Variants in LPIN3 observed in about 807,000 individuals in gnomAD.
LPIN3 encodes the protein lipin 3, also known as phosphatidate phosphatase LPIN3.
LPIN3 carries 82 observed loss-of-function variants against 94.7 expected under a neutral mutation model. The observed-to-expected ratio is 0.87, with a 90% CI of 0.72 to 1.04. The LOEUF is 1.04. Ranked by LOEUF, LPIN3 falls within the 50% of genes least tolerant of loss-of-function variation. The probability of loss-of-function intolerance (pLI) is 0.00; values close to 1 mark genes in which losing one functional copy is unlikely to be tolerated. For missense variants in LPIN3, 996 were observed against 1,090.5 expected, an observed-to-expected ratio of 0.91 and a Z score of 1.22; for synonymous variants, 418 against 443.3, an observed-to-expected ratio of 0.94 and a Z score of 0.72.
In LPIN3 at chr20:41,358,042, C is replaced by A. The variant is rs780641901; in HGVS notation, c.2192+8C>A. ...CTTCTCTGCCCTCCACAGGTAACCA[C>A]CCCTACACATACAAGCCCGTGGCCC... On this transcript the variant is annotated splice_region_variant and intron_variant, in intron 17 of 19. Transcript: ENST00000373257. 2 of 1,590,690 alleles carry A rather than the reference C, an allele frequency of 1.3e-6. No individual in the cohort carries two copies. Among genetic ancestry groups the A allele is most frequent in the East Asian group, 2.2e-5 (1 of 44,702 alleles).
intron 7 of LPIN3, among the ~76,000 whole-genome samples, chr20:41,351,189 G>C (rs1050144922): frequency 3.3e-5 from 5 of 151,920 alleles, no homozygotes; most frequent in African/African-American, 1.2e-4. Flanking sequence ...GGAGTTCAAG[G>C]CTGCAGCGAG....
Position 41,357,092 on chromosome 20 carries a change from C to T in LPIN3, c.1856C>T (p.Thr619Ile). Residue 619 changes from threonine (T) to isoleucine (I), a missense_variant, in exon 15 of 20, where the codon ACT (threonine) becomes ATT (isoleucine). Coordinates refer to ENST00000373257, the MANE Select transcript of LPIN3 (RefSeq NM_022896.3). ...GANDVVFSVT[T>I]QYQGTCRCKA... ...AATGATGTGGTCTTCAGCGTGACCA[C>T]TCAGTACCAGGGCACCTGCCGCTGC... 1.2e-6 allele frequency: 2 copies of T among 1,614,088 alleles called. No homozygotes were observed. The highest frequency in any genetic ancestry group is 1.3e-5 in the African/African-American group (1 of 75,054).
chr20:41,356,823 G>C lies in LPIN3; in HGVS notation c.1804-217G>C, dbSNP rs370871984. 2.9e-4 allele frequency among the ~76,000 whole-genome samples: 44 copies of C among 152,278 alleles called. 1 individual carries two copies. The highest frequency in any genetic ancestry group is 1.0e-3 in the African/African-American group (42 of 41,556). On this transcript the variant is annotated intron_variant, in intron 14 of 19. Coordinates refer to ENST00000373257, the MANE Select transcript of LPIN3 (RefSeq NM_022896.3). ...GTGAAGGGAGGCTAGGGCTCCTGTG[G>C]CCTGCACTGGACAGGGCCCTGATCA...
chr20:41,341,619 G>A lies in LPIN3; in HGVS notation c.-9+617G>A, dbSNP rs6072344. 9.9e-3 allele frequency among the ~76,000 whole-genome samples: 1,510 copies of A among 152,362 alleles called. 9 individuals carry two copies. Among genetic ancestry groups the A allele is most frequent in the Non-Finnish European group, 0.013 (912 of 68,038 alleles). Reference sequence around the variant, plus strand: ...CCCCAAGGTGGGGTGTGAGGCCTACGTGGAGTGCACATGCTCGTTTTGCAA... The same window carrying A: ...CCCCAAGGTGGGGTGTGAGGCCTACATGGAGTGCACATGCTCGTTTTGCAA... On this transcript the variant is annotated intron_variant, in intron 1 of 19. Coordinates refer to ENST00000373257, the MANE Select transcript of LPIN3 (RefSeq NM_022896.3).
rs2045906369 is a variant in LPIN3 at position 41,349,175 on chromosome 20, A to G, written c.638+3A>G. ...GGCGAGTGGCCCCCCCAGGCCAGGT[A>G]AGAGTCCAGGTGGGCTGCAGGCCAG... On this transcript the variant is annotated splice_donor_region_variant and intron_variant, in intron 5 of 19. Transcript: ENST00000373257. 3 of 1,613,950 alleles carry G rather than the reference A, an allele frequency of 1.9e-6. No homozygotes were observed. The highest frequency in any genetic ancestry group is 2.5e-6 in the Non-Finnish European group (3 of 1,179,882).
At chr20:41,357,240 C>T (rs763322669) in intron 15 of LPIN3, 52 bp downstream of exon 15, 165 of 1,609,930 alleles carry the variant, frequency 1.0e-4, no homozygotes, top group Admixed American at 1.5e-4. Context: ...GTGGACTCGC[C>T]TCCCTCTGTG....
chr20:41,345,792 C>G lies in LPIN3; in HGVS notation c.-8-4C>G. 1 of 1,601,836 alleles carries G rather than the reference C, an allele frequency of 6.2e-7. No homozygotes were observed. The highest frequency in any genetic ancestry group is 8.5e-7 in the Non-Finnish European group (1 of 1,171,246). ...TTGTGCAAGCCACTGCCTTTCTTTGCCAGCACCAGCCATGAACTACGTGGG... is the reference window on the plus strand; with the variant it reads ...TTGTGCAAGCCACTGCCTTTCTTTGGCAGCACCAGCCATGAACTACGTGGG... On this transcript the variant is annotated splice_region_variant and splice_polypyrimidine_tract_variant and intron_variant, in intron 1 of 19. Transcript: ENST00000373257.
Position 41,358,218 on chromosome 20 carries a change from G to A in LPIN3, c.2193-19G>A, listed in dbSNP as rs147868649. The A allele has an allele frequency of 4.9e-4, 782 of 1,612,072 alleles. 1 individual carries two copies. The African/African-American group carries it at 8.6e-3, about 18-fold the overall frequency. ...CCCTACTTTGGCCCCCTTCCCTGCT[G>A]TGGTTCTGGCCACCCCAGAGAGGTG... is the stretch of plus-strand genomic sequence containing the variant. On this transcript the variant is annotated intron_variant, in intron 17 of 19. Transcript: ENST00000373257.
rs940728581 is a variant in LPIN3 at position 41,354,880 on chromosome 20, A to G, written c.1664+17A>G. The G allele has an allele frequency of 3.9e-6, 6 of 1,552,554 alleles. No homozygotes were observed. The highest frequency in any genetic ancestry group is 2.4e-5 in the East Asian group (1 of 41,032). ...GCAGCAGGGGTGAGTGAGACCCCCT[A>G]TTGGGGCTCTGCAGGGGGAGCCTGG... On this transcript the variant is annotated intron_variant, in intron 13 of 19. Transcript: ENST00000373257.
Position 41,348,784 on chromosome 20 carries a change from C to A in LPIN3, c.454C>A (p.Gln152Lys). The A allele has an allele frequency of 6.2e-7, 1 of 1,612,666 alleles. No individual in the cohort carries two copies. Among genetic ancestry groups the A allele is most frequent in the Non-Finnish European group, 8.5e-7 (1 of 1,179,514 alleles). The change falls in exon 4 of 20, where the codon CAG becomes AAG. Residue 152 changes from glutamine to lysine, a missense_variant. Gln to Lys is a moderately conservative substitution (Grantham distance 53). Coordinates refer to ENST00000373257, the MANE Select transcript of LPIN3 (RefSeq NM_022896.3). ...GAGGCGTCGCAGGAGGAAACCCAAG[C>A]AGAAAGAGGATGCAGTGGCAACTGA... ...RKRRRRRKPK[Q>K]KEDAVATDSS...
intron 1 of LPIN3, among the ~76,000 whole-genome samples, chr20:41,342,271 C>A (rs930817142): frequency 1.3e-5 from 2 of 152,154 alleles, no homozygotes; most frequent in African/African-American, 4.8e-5. Context: ...GGATCAGCAC[C>A]CAGATAATCT....
At chr20:41,341,491 C>T (rs942164335) in intron 1 of LPIN3, among the ~76,000 whole-genome samples, 6 of 152,204 alleles carry the variant, frequency 3.9e-5, no homozygotes, top group African/African-American at 1.4e-4. Flanking sequence ...CCTTCATCCA[C>T]CCAAACCTGG....
At chr20:41,351,968 GC>G in intron 8 of LPIN3, 48 bp downstream of exon 8, 1 of 1,613,304 alleles carries the variant, frequency 6.2e-7, no homozygotes. Flanking sequence ...GGCTCCTGGG[GC>G]CAAGGGTCCA....
intron 1 of LPIN3, among the ~76,000 whole-genome samples, chr20:41,342,943 C>T (rs2045640053): frequency 6.6e-6 from 1 of 152,192 alleles, no homozygotes; most frequent in African/African-American, 2.4e-5. Flanking sequence ...CCCCGGGTGC[C>T]ATCTCTGCTA....
chr20:41,358,477 A>T lies in LPIN3; in HGVS notation c.2346A>T (p.Ser782=). The T allele has an allele frequency of 6.2e-7, 1 of 1,614,020 alleles. No homozygotes were observed. Among genetic ancestry groups the T allele is most frequent in the Non-Finnish European group, 8.5e-7 (1 of 1,179,986 alleles). The change falls in exon 19 of 20, where the codon TCA becomes TCT. Residue 782 remains serine (S), a synonymous_variant. Transcript: ENST00000373257. ...FAYRQVGLPE[S]RIFTVNPRGE... ...ACCGGCAGGTGGGCCTGCCTGAGTC[A>T]CGCATCTTCACAGTCAACCCCCGGG...
intron 7 of LPIN3, among the ~76,000 whole-genome samples, chr20:41,350,800 G>A (rs1301591702): frequency 6.6e-6 from 1 of 152,208 alleles, no homozygotes; most frequent in Non-Finnish European, 1.5e-5. Flanking sequence ...CGTGCCTTGA[G>A]CAAGAAATGG....
Position 41,358,545 on chromosome 20 carries a change from G to A in LPIN3, c.2411+3G>A, listed in dbSNP as rs1234422021. On this transcript the variant is annotated splice_donor_region_variant and intron_variant, in intron 19 of 19. Coordinates refer to ENST00000373257, the MANE Select transcript of LPIN3 (RefSeq NM_022896.3). ...CTCATAAAGAACCACAAATCCACGT[G>A]AGGCTAAACCCTGCCATGTTCCCCA... The A allele has an allele frequency of 3.1e-6, 5 of 1,613,942 alleles. No individual in the cohort carries two copies. The highest frequency in any genetic ancestry group is 1.7e-5 in the Admixed American group (1 of 60,020).
intron 16 of LPIN3, 126 bp downstream of exon 16, chr20:41,357,573 T>C (rs1259718263): frequency 2.5e-6 from 2 of 814,990 alleles, no homozygotes; most frequent in Non-Finnish European, 3.9e-6. Flanking sequence ...GTGCCTGGAG[T>C]GCTGAGACCT....
chr20:41,360,139 G>T lies in LPIN3; in HGVS notation c.*1273G>T, dbSNP rs1600751694. 1 of 152,724 alleles carries T rather than the reference G, an allele frequency of 6.5e-6. No individual in the cohort carries two copies. The highest frequency in any genetic ancestry group is 1.9e-4 in the East Asian group (1 of 5,180). 9.5% of individuals were successfully genotyped at this position (152,724 alleles called of 1,614,324 possible). ...AGGCTGGGAGCCTCAGCAGAGACCG[G>T]TGTCAAGAGTCTCTGGGAACTGCAT... On this transcript the variant is annotated 3_prime_UTR_variant, in exon 20 of 20. Transcript: ENST00000373257.
Sources: allele counts gnomAD v4.1 joint callset (sites outside exome capture counted in the v4.1 genomes callset), GRCh38; gene constraint gnomAD v4.1.1; transcripts MANE v1.5; gene names NCBI Gene and HGNC (gene_info 2026-07-23, HGNC 2026-07-21).